ATG3: variants seen among roughly 807,000 people sequenced by gnomAD.
ATG3 encodes the protein autophagy related 3.
Under a neutral mutation model 50.7 loss-of-function variants are expected in ATG3, and 25 were observed. That is an observed-to-expected ratio of 0.49 (90% CI 0.36 to 0.69). The LOEUF (loss-of-function observed/expected upper bound fraction) is 0.69. Among genes scored for constraint, ATG3 ranks in the 30% least tolerant of loss-of-function variants. ATG3 has a pLI of 0.00. For synonymous variants in ATG3, 119 were observed against 125.5 expected (o/e 0.95, Z 0.34); for missense variants, 281 against 376.0 (o/e 0.75, Z 2.09).
chr3:112,558,866 G>A (rs1933758423), intron 1 of ATG3, among the ~76,000 whole-genome samples: 1 of 151,914 alleles, frequency 6.6e-6, no homozygotes, highest in South Asian at 2.1e-4. Context: ...CCTCCTGCCT[G>A]TAGCTGGGAT....
chr3:112,545,579 A>G, intron 5 of ATG3, among the ~76,000 whole-genome samples: 1 of 152,226 alleles, frequency 6.6e-6, no homozygotes, highest in East Asian at 1.9e-4. Flanking sequence ...TTTTTCTAGA[A>G]ATTACTATAT....
At chr3:112,555,391 T>G (rs1342654138) in intron 2 of ATG3, among the ~76,000 whole-genome samples, 1 of 152,222 alleles carries the variant, frequency 6.6e-6, no homozygotes, top group Non-Finnish European at 1.5e-5. Context: ...ATTATCTTTA[T>G]TATCAGTATA....
At chr3:112,538,322 ATAAG>A (rs1933132423) in intron 7 of ATG3, 142 bp from the exon 8 acceptor site, 1 of 628,958 alleles carries the variant, frequency 1.6e-6, no homozygotes, top group Non-Finnish European at 2.7e-6. Flanking sequence ...ATAGATAGAT[ATAAG>A]TGAGCTAATT....
intron 6 of ATG3, among the ~76,000 whole-genome samples, chr3:112,543,289 TATC>T (rs1933283171): frequency 6.6e-6 from 1 of 152,102 alleles, no homozygotes; most frequent in African/African-American, 2.4e-5. Context: ...TATTTTTTCA[TATC>T]ATTTCAAACA....
intron 11 of ATG3, 85 bp from the exon 12 acceptor site, chr3:112,532,865 C>T: frequency 2.2e-6 from 3 of 1,350,056 alleles, no homozygotes; most frequent in East Asian, 2.7e-5. Flanking sequence ...TTTATTAAGC[C>T]ATTAATTTCT....
Position 112,538,132 on chromosome 3 carries a change from C to G in ATG3, c.510+14G>C, listed in dbSNP as rs1254225105. ...TCCATTAAAAATTAACTAAAGAAAA[C>G]TCAATTTACAAACCTCATCTGTTTC... On this transcript the variant is annotated intron_variant, in intron 8 of 11. Coordinates refer to ENST00000283290, the MANE Select transcript of ATG3 (RefSeq NM_022488.5). The G allele has an allele frequency of 4.5e-6, 7 of 1,558,282 alleles. No homozygotes were observed. The highest frequency in any genetic ancestry group is 2.4e-5 in the South Asian group (2 of 85,096).
chr3:112,535,455 A>G (rs989108866), intron 10 of ATG3: 3 of 152,160 alleles, frequency 2.0e-5, no homozygotes, highest in African/African-American at 7.2e-5. Context: ...CCTCAGAGAG[A>G]TACGCTTCAG....
intron 3 of ATG3, among the ~76,000 whole-genome samples, chr3:112,550,612 A>G (rs1933502206): frequency 6.6e-6 from 1 of 152,224 alleles, no homozygotes; most frequent in Admixed American, 6.5e-5. Context: ...CCCACTGTAT[A>G]ATCTCTCACA....
intron 7 of ATG3, among the ~76,000 whole-genome samples, chr3:112,540,541 T>G (rs1873571): frequency 0.22 from 34,092 of 151,848 alleles, 6,985 homozygotes; most frequent in African/African-American, 0.54. Flanking sequence ...TAATTTATAC[T>G]CTATCTTTCT....
chr3:112,543,881 G>T, intron 6 of ATG3, 176 bp downstream of exon 6: 1 of 480,898 alleles, frequency 2.1e-6, no homozygotes, highest in Non-Finnish European at 3.8e-6. Context: ...GTGTTTTGGT[G>T]TGTTGAGACA....
At chr3:112,548,883 G>A (rs2969895) in intron 4 of ATG3, among the ~76,000 whole-genome samples, 23,928 of 152,166 alleles carry the variant, frequency 0.16, 4,418 homozygotes, top group African/African-American at 0.44. Flanking sequence ...TATTGGGAAT[G>A]TTCTATGCAT....
chr3:112,544,776 T>A (rs1001247168), intron 5 of ATG3, among the ~76,000 whole-genome samples: 4 of 152,120 alleles, frequency 2.6e-5, no homozygotes, highest in African/African-American at 9.7e-5. Context: ...TATAGGCTGA[T>A]TATCCCTTAT....
chr3:112,547,649 A>G (rs931484032), intron 5 of ATG3, among the ~76,000 whole-genome samples: 6 of 152,252 alleles, frequency 3.9e-5, no homozygotes, highest in Non-Finnish European at 7.3e-5. Context: ...CAGGGTTTCA[A>G]ATAACTCATA....
Position 112,532,787 on chromosome 3 carries a change from G to T in ATG3, c.864-7C>A. The T allele has an allele frequency of 6.4e-7, 1 of 1,572,116 alleles. No individual in the cohort carries two copies. The highest frequency in any genetic ancestry group is 8.6e-7 in the Non-Finnish European group (1 of 1,160,166). ...CAAGAAAATAAGAAGATACCTAAAG[G>T]TTTTTAGCTAAGGAAAATAAGATTT... On this transcript the variant is annotated splice_polypyrimidine_tract_variant and splice_region_variant and intron_variant, in intron 11 of 11. Transcript: ENST00000283290.
intron 2 of ATG3, among the ~76,000 whole-genome samples, chr3:112,554,029 A>G (rs921115915): frequency 1.6e-4 from 25 of 152,242 alleles, no homozygotes; most frequent in African/African-American, 6.0e-4. Flanking sequence ...GTTTTTCTTC[A>G]GAAATAAAAA....
intron 9 of ATG3, 163 bp from the exon 10 acceptor site, chr3:112,536,765 T>TA: frequency 3.2e-6 from 2 of 621,164 alleles, no homozygotes; most frequent in South Asian, 4.6e-5. Flanking sequence ...ACTAAGAATA[T>TA]AAAAAATTAG....
In ATG3 at chr3:112,532,785, AGG is replaced by A. The variant is rs1491250595; in HGVS notation, c.864-7_864-6del. The A allele has an allele frequency of 6.3e-7, 1 of 1,581,720 alleles. No individual in the cohort carries two copies. The highest frequency in any genetic ancestry group is 1.8e-5 in the Admixed American group (1 of 56,030). Reference sequence around the variant, plus strand: ...TTCAAGAAAATAAGAAGATACCTAAAGGTTTTTAGCTAAGGAAAATAAGATTT... The same window carrying A: ...TTCAAGAAAATAAGAAGATACCTAAATTTTTAGCTAAGGAAAATAAGATTT... On this transcript the variant is annotated splice_polypyrimidine_tract_variant and splice_region_variant and intron_variant, in intron 11 of 11. Transcript: ENST00000283290.
At chr3:112,539,158 T>C (rs1363591525) in intron 7 of ATG3, among the ~76,000 whole-genome samples, 1 of 152,188 alleles carries the variant, frequency 6.6e-6, no homozygotes, top group East Asian at 1.9e-4. Flanking sequence ...CCTCCTGTTG[T>C]CCCTTTCTCC....
intron 1 of ATG3, among the ~76,000 whole-genome samples, chr3:112,561,010 C>A (rs2107398418): frequency 6.6e-6 from 1 of 152,278 alleles, no homozygotes; most frequent in South Asian, 2.1e-4. Flanking sequence ...CCCACTACAG[C>A]GGACTTTCAT....
Sources: gnomAD v4.1 joint callset for allele counts (sites outside exome capture counted in the v4.1 genomes callset) on GRCh38, gnomAD v4.1.1 for gene constraint, MANE v1.5 for transcripts, NCBI Gene and HGNC (gene_info 2026-07-23, HGNC 2026-07-21) for gene names.